KRT12: variants seen among roughly 807,000 people sequenced by gnomAD.
KRT12 encodes keratin, type I cytoskeletal 12.
A neutral mutation model predicts 50.2 loss-of-function variants in KRT12; 43 were observed. The observed-to-expected ratio is 0.86, with a 90% confidence interval of 0.67 to 1.11. KRT12 has a LOEUF of 1.11. Ranked by LOEUF, KRT12 falls within the 50% of genes least tolerant of loss-of-function variation. KRT12 has a pLI of 0.00. For synonymous variants in KRT12, 257 were observed against 253.6 expected, an observed-to-expected ratio of 1.01 and a Z score of -0.13; for missense variants, 588 against 625.6, an observed-to-expected ratio of 0.94 and a Z score of 0.64.
rs1907065474 is a variant in KRT12 at position 40,867,171 on chromosome 17, T to C, written c.16A>G (p.Asn6Asp). The change falls in exon 1 of 8, where the codon AAC becomes GAC. Residue 6 changes from asparagine to aspartate, a missense_variant. Transcript: ENST00000251643. MDLSN[N>D]TMSLSVRTPG... Reference sequence around the variant, plus strand: ...GTGCGCACTGAGAGTGACATGGTGTTGTTGGAGAGATCCATGGCCTGGGGA... The same window carrying C: ...GTGCGCACTGAGAGTGACATGGTGTCGTTGGAGAGATCCATGGCCTGGGGA... 6.2e-7 allele frequency: 1 copy of C among 1,607,052 alleles called. No individual in the cohort carries two copies. The highest frequency in any genetic ancestry group is 8.5e-7 in the Non-Finnish European group (1 of 1,179,982).
chr17:40,862,798 G>A (rs1312171612), intron 6 of KRT12, among the ~76,000 whole-genome samples, 163 bp from the exon 7 acceptor site: 1 of 152,208 alleles, frequency 6.6e-6, no homozygotes, highest in African/African-American at 2.4e-5. Context: ...GGTGGTTCAG[G>A]TGGCTACTAT....
rs780714319 is a variant in KRT12 at position 40,866,941 on chromosome 17, A to G, written c.246T>C (p.Gly82=). Residue 82 remains glycine (G), a synonymous_variant, in exon 1 of 8, where the codon GGT becomes GGC. Coordinates refer to ENST00000251643, the MANE Select transcript of KRT12 (RefSeq NM_000223.4). ...GSGSSMAGGL[G]AGYGRALGGG... ...CACCCAGGGCTCTCCCATAACCAGC[A>G]CCCAGTCCTCCTGCCATGGAACTTC... 3 of 1,607,354 alleles carry G rather than the reference A, an allele frequency of 1.9e-6. No homozygotes were observed. The Admixed American group carries it at 5.1e-5, about 27-fold the overall frequency.
chr17:40,863,469 T>C lies in KRT12; in HGVS notation c.1095+16A>G, dbSNP rs777971540. 2 of 1,614,146 alleles carry C rather than the reference T, an allele frequency of 1.2e-6. No homozygotes were observed. The highest frequency in any genetic ancestry group is 4.5e-5 in the East Asian group (2 of 44,898). ...GAAGTCCAAAGGATGCTACGTCTGT[T>C]TGCGCACGAGCCTACCATGGCGAGC... On this transcript the variant is annotated intron_variant, in intron 5 of 7. Transcript: ENST00000251643. The surrounding 1 kb of genome is among the most constrained non-coding windows in gnomAD (Gnocchi z 4.2).
At chr17:40,866,049 T>C in intron 2 of KRT12, 106 bp downstream of exon 2, 1 of 832,500 alleles carries the variant, frequency 1.2e-6, no homozygotes, top group Non-Finnish European at 2.1e-6. Flanking sequence ...AAACAGTAAA[T>C]ATATGGAGTA....
At position 40,862,637 on chromosome 17, in the gene KRT12, T is replaced by C; in HGVS notation, c.1317-2A>G. The C allele has an allele frequency of 6.2e-7, 1 of 1,610,130 alleles. No individual in the cohort carries two copies. The highest frequency in any genetic ancestry group is 1.1e-5 in the South Asian group (1 of 91,016). ...AATAAACTTTCCTCCAAACCATCAC[T>C]GTAAGAAAACAAAGGAGATGACCTC... is the stretch of plus-strand genomic sequence containing the variant. On this transcript the variant is annotated splice_acceptor_variant, in intron 6 of 7. Coordinates refer to ENST00000251643, the MANE Select transcript of KRT12 (RefSeq NM_000223.4). LOFTEE classifies it high-confidence loss of function.
Position 40,863,286 on chromosome 17 carries a change from A to G in KRT12, c.1153T>C (p.Ser385Pro), listed in dbSNP as rs1410915209. ...EAEGDYCAQLSQVQQLISNLE... is the reference protein window; with the variant it reads ...EAEGDYCAQLPQVQQLISNLE... Reference sequence around the variant, plus strand: ...TTGCTGATGAGCTGCTGCACCTGGGACAGCTGCGCGCAGTAATCGCCCTCG... The same window carrying G: ...TTGCTGATGAGCTGCTGCACCTGGGGCAGCTGCGCGCAGTAATCGCCCTCG... The change falls in exon 6 of 8, where the codon TCC becomes CCC. Residue 385 changes from serine (S) to proline (P), a missense_variant. By Grantham distance (74) the Ser-to-Pro change is moderately conservative. Coordinates refer to ENST00000251643, the MANE Select transcript of KRT12 (RefSeq NM_000223.4). This position sits in a 1 kb window ranked among gnomAD's most constrained non-coding sequence, Gnocchi z 4.2. 6.2e-7 allele frequency: 1 copy of G among 1,613,894 alleles called. No individual in the cohort carries two copies. Among genetic ancestry groups the G allele is most frequent in the Non-Finnish European group, 8.5e-7 (1 of 1,180,012 alleles).
Position 40,863,915 on chromosome 17 carries a change from G to T in KRT12, c.808-51C>A, listed in dbSNP as rs374128755. On this transcript the variant is annotated intron_variant, in intron 3 of 7. Coordinates refer to ENST00000251643, the MANE Select transcript of KRT12 (RefSeq NM_000223.4). The surrounding 1 kb of genome is among the most constrained non-coding windows in gnomAD (Gnocchi z 4.2). ...GGCACAGGGGTCCATTGTGACTTTCGTGGGCCCTGGATACTTTTGTCCTCT... is the reference window on the plus strand; with the variant it reads ...GGCACAGGGGTCCATTGTGACTTTCTTGGGCCCTGGATACTTTTGTCCTCT... 4 of 1,419,436 alleles carry T rather than the reference G, an allele frequency of 2.8e-6. No homozygotes were observed. The highest frequency in any genetic ancestry group is 2.8e-6 in the Non-Finnish European group (3 of 1,071,488). The allele number at this position is 1,419,436 out of a possible 1,614,324, so 87.9% of individuals were successfully genotyped here.
rs756605907 is a variant in KRT12 at position 40,863,260 on chromosome 17, G to T, written c.1179C>A (p.Asn393Lys). The T allele has an allele frequency of 6.2e-7, 1 of 1,614,016 alleles. No homozygotes were observed. Among genetic ancestry groups the T allele is most frequent in the Non-Finnish European group, 8.5e-7 (1 of 1,180,004 alleles). ...QLSQVQQLIS[N>K]LEAQLLQVRA... ...GCACCTGGAGCAGCTGTGCCTCCAG[G>T]TTGCTGATGAGCTGCTGCACCTGGG... The change falls in exon 6 of 8, where the codon AAC (asparagine) becomes AAA (lysine). Residue 393 changes from asparagine to lysine, a missense_variant. Asn to Lys is a moderately conservative substitution (Grantham distance 94). Coordinates refer to ENST00000251643, the MANE Select transcript of KRT12 (RefSeq NM_000223.4). The surrounding 1 kb of genome is among the most constrained non-coding windows in gnomAD (Gnocchi z 4.2).
chr17:40,862,482 C>G, intron 7 of KRT12, 83 bp downstream of exon 7: 2 of 865,324 alleles, frequency 2.3e-6, no homozygotes, highest in Non-Finnish European at 4.0e-6. Flanking sequence ...AATAATAATG[C>G]AGTAGTCAAT....
chr17:40,862,862 A>G (rs929875309), intron 6 of KRT12, among the ~76,000 whole-genome samples: 1 of 152,224 alleles, frequency 6.6e-6, no homozygotes, highest in African/African-American at 2.4e-5. Context: ...AGTGACTTTT[A>G]TAGTACAGGG....
chr17:40,865,449 A>C (rs900131666), intron 2 of KRT12, among the ~76,000 whole-genome samples: 1 of 152,254 alleles, frequency 6.6e-6, no homozygotes, highest in Admixed American at 6.5e-5. Context: ...TTTGTGAAGC[A>C]AAAAGGAAAT....
At position 40,863,410 on chromosome 17, in the gene KRT12, C is replaced by T; in HGVS notation, c.1096-67G>A. 3 of 1,612,828 alleles carry T rather than the reference C, an allele frequency of 1.9e-6. No individual in the cohort carries two copies. The highest frequency in any genetic ancestry group is 2.5e-6 in the Non-Finnish European group (3 of 1,178,796). ...GGACCGAAAAGAGGAGGGTAGCCAA[C>T]GGCTAATGTAATTTGGATGCAGCAT... On this transcript the variant is annotated intron_variant, in intron 5 of 7. Transcript: ENST00000251643. This position sits in a 1 kb window ranked among gnomAD's most constrained non-coding sequence, Gnocchi z 4.2.
rs771057394 is a variant in KRT12 at position 40,866,963 on chromosome 17, C to A, written c.224G>T (p.Ser75Ile). ...SSSGFGGGSG[S>I]SMAGGLGAGY... ...AGCACCCAGTCCTCCTGCCATGGAA[C>A]TTCCGGAGCCACCCCCAAAGCCGGA... Residue 75 changes from serine (S) to isoleucine (I), a missense_variant, in exon 1 of 8, where the codon AGT becomes ATT. Ser to Ile is a moderately radical substitution (Grantham distance 142). Transcript: ENST00000251643. 4.3e-5 allele frequency: 69 copies of A among 1,599,530 alleles called. No individual in the cohort carries two copies. The highest frequency in any genetic ancestry group is 5.7e-5 in the Non-Finnish European group (67 of 1,173,412).
chr17:40,864,496 T>G (rs762051337), intron 3 of KRT12, among the ~76,000 whole-genome samples: 1 of 152,186 alleles, frequency 6.6e-6, no homozygotes, highest in Non-Finnish European at 1.5e-5. Context: ...TCAGTCTTTT[T>G]AAAATCACTG....
In KRT12 at chr17:40,861,759, C is replaced by A. The variant is rs764606476; in HGVS notation, c.1388-1G>T. ...TTGATTTTTCGGGTTTTGGTTGGGT[C>A]TAAAGATAAAAATGGAATAAGGGGG... On this transcript the variant is annotated splice_acceptor_variant, in intron 7 of 7. Transcript: ENST00000251643. LOFTEE classifies it high-confidence loss of function. 3.7e-6 allele frequency: 6 copies of A among 1,605,880 alleles called. No individual in the cohort carries two copies. The African/African-American group carries it at 6.7e-5, about 18-fold the overall frequency.
intron 3 of KRT12, among the ~76,000 whole-genome samples, chr17:40,864,593 C>A (rs1906938202): frequency 6.6e-6 from 1 of 152,018 alleles, no homozygotes; most frequent in African/African-American, 2.4e-5. Context: ...TGAGCCTTAG[C>A]AGGAACCACC....
rs142915764 is a variant in KRT12 at position 40,863,847 on chromosome 17, C to T, written c.825G>A (p.Arg275=). The change falls in exon 4 of 8, where the codon CGG becomes CGA. Residue 275 remains arginine (R), a synonymous_variant. Transcript: ENST00000251643. This position sits in a 1 kb window ranked among gnomAD's most constrained non-coding sequence, Gnocchi z 4.2. The stretch of plus-strand genomic sequence containing the variant: ...CGCTGACCTCGCCTGGGCCGCCCAC[C>T]CGGAAGCTTTGGAGCTCCTGGGGAC... The part of the protein sequence containing the change: ...KNHEDELQSF[R]VGGPGEVSVE... The T allele has an allele frequency of 1.3e-4, 201 of 1,606,332 alleles. No individual in the cohort carries two copies. Among genetic ancestry groups the T allele is most frequent in the Middle Eastern group, 2.1e-4 (1 of 4,708 alleles).
chr17:40,866,260 A>G, intron 1 of KRT12, 23 bp from the exon 2 acceptor site: 1 of 1,587,842 alleles, frequency 6.3e-7, no homozygotes, highest in Non-Finnish European at 8.6e-7. Context: ...AGGGACACAC[A>G]CAAGATTGAA....
At position 40,863,643 on chromosome 17, in the gene KRT12, C is replaced by A. The variant is rs1428442310; in HGVS notation, c.970-33G>T. On this transcript the variant is annotated intron_variant, in intron 4 of 7. Transcript: ENST00000251643. The surrounding 1 kb of genome is among the most constrained non-coding windows in gnomAD (Gnocchi z 4.2). ...AGCAAAGACAGCCAGGGGGCTCGAGCGCTGAGCTCGTTCGCAGGCCTTTCT... is the reference window on the plus strand; with the variant it reads ...AGCAAAGACAGCCAGGGGGCTCGAGAGCTGAGCTCGTTCGCAGGCCTTTCT... 1.2e-6 allele frequency: 2 copies of A among 1,614,218 alleles called. No individual in the cohort carries two copies. The highest frequency in any genetic ancestry group is 1.7e-5 in the Admixed American group (1 of 60,030).
Sources: gnomAD v4.1 joint callset for allele counts (sites outside exome capture counted in the v4.1 genomes callset) on GRCh38, gnomAD v4.1.1 for gene constraint, Gnocchi (gnomAD v3.1) non-coding constraint, MANE v1.5 for transcripts, NCBI Gene and HGNC (gene_info 2026-07-23, HGNC 2026-07-21) for gene names.